ESRRG: variants seen among roughly 807,000 people sequenced by gnomAD.
The protein encoded by ESRRG is estrogen related receptor gamma, also known as estrogen-related receptor gamma.
ESRRG carries 13 observed loss-of-function variants against 44.0 expected under a neutral mutation model. The ratio of observed to expected loss-of-function variants is 0.30; its 90% CI spans 0.19 to 0.47. The LOEUF (loss-of-function observed/expected upper bound fraction) is 0.47. Among genes scored for constraint, ESRRG ranks in the 20% least tolerant of loss-of-function variants. ESRRG has a pLI of 1.00. For synonymous variants in ESRRG, 215 were observed against 214.6 expected (o/e 1.00, Z -0.02); for missense variants, 395 against 580.6 (o/e 0.68, Z 3.29).
intron 3 of ESRRG, among the ~76,000 whole-genome samples, chr1:216,568,945 T>C (rs1166854775): frequency 1.3e-5 from 2 of 151,798 alleles, no homozygotes; most frequent in African/African-American, 4.8e-5. Context: ...TCCCAGCTAC[T>C]CGGGAGTCTG....
At chr1:216,713,050 T>C (rs1042192587) in intron 1 of ESRRG, among the ~76,000 whole-genome samples, 1 of 152,178 alleles carries the variant, frequency 6.6e-6, no homozygotes, top group South Asian at 2.1e-4. Context: ...GGTGGTGCCT[T>C]GCTTAATCGA....
chr1:216,525,012 C>A (rs1186659559), intron 5 of ESRRG, among the ~76,000 whole-genome samples: 1 of 152,080 alleles, frequency 6.6e-6, no homozygotes, highest in Non-Finnish European at 1.5e-5. Flanking sequence ...TACAATTAGC[C>A]CAATCATAGG....
chr1:216,723,510 C>T (rs2086830106), upstream of ESRRG: 3 of 533,266 alleles, frequency 5.6e-6, no homozygotes, highest in Non-Finnish European at 1.0e-5. Flanking sequence ...GCAGTCCCAC[C>T]GGCCCAGCCG....
chr1:216,654,524 G>A (rs900181613), intron 2 of ESRRG, among the ~76,000 whole-genome samples: 3 of 151,716 alleles, frequency 2.0e-5, no homozygotes, highest in Non-Finnish European at 2.9e-5. Context: ...AGCTGCGTGG[G>A]AGGCTGAGGC....
intron 1 of ESRRG, among the ~76,000 whole-genome samples, chr1:217,002,409 C>T (rs2077165566): frequency 6.6e-6 from 1 of 151,104 alleles, no homozygotes; most frequent in Admixed American, 6.6e-5. Context: ...CAGATCCGTC[C>T]CTAAAGTTAT....
chr1:216,579,806 TG>T (rs2062391981), intron 3 of ESRRG, among the ~76,000 whole-genome samples: 1 of 152,178 alleles, frequency 6.6e-6, no homozygotes, highest in Non-Finnish European at 1.5e-5. Context: ...ATGTTGAGAA[TG>T]GAGACTTCAA....
At position 216,881,398 on chromosome 1, in the gene ESRRG, G is replaced by A. The variant is rs574434276; in HGVS notation, c.-14+58184C>T. Among the ~76,000 whole-genome samples the A allele has an allele frequency of 3.9e-5, 6 of 152,212 alleles. No individual in the cohort carries two copies. The South Asian group carries it at 1.2e-3, about 32-fold the overall frequency. On this transcript the variant is annotated intron_variant, in intron 2 of 7. Transcript: ENST00000359162. ...TCATTTTTCAGAGATATTAACAGAT[G>A]TAAGCTACATTTCCTGTGCCCATGA... is the stretch of plus-strand genomic sequence containing the variant.
intron 1 of ESRRG, among the ~76,000 whole-genome samples, chr1:216,958,583 G>A (rs755562048): frequency 1.3e-5 from 2 of 152,076 alleles, no homozygotes; most frequent in Non-Finnish European, 2.9e-5. Context: ...TGAGGTGTTT[G>A]TTCAAGTCTT....
chr1:216,542,898 A>G (rs1240293916), intron 5 of ESRRG, among the ~76,000 whole-genome samples: 2 of 152,056 alleles, frequency 1.3e-5, no homozygotes, highest in Non-Finnish European at 2.9e-5. Context: ...ATCTTTCTCA[A>G]TTAAGTCTAC....
intron 1 of ESRRG, among the ~76,000 whole-genome samples, chr1:216,998,518 C>T (rs1381382528): frequency 6.6e-6 from 1 of 152,094 alleles, no homozygotes; most frequent in Admixed American, 6.5e-5. Flanking sequence ...GACATTACTT[C>T]TTTTTTGCAA....
chr1:217,097,776 A>T (rs1051523364), intron 1 of ESRRG, among the ~76,000 whole-genome samples: 3 of 152,008 alleles, frequency 2.0e-5, no homozygotes, highest in African/African-American at 7.3e-5. Flanking sequence ...TTCCCATAAG[A>T]AAAGAATCAA....
intron 2 of ESRRG, among the ~76,000 whole-genome samples, chr1:216,825,948 G>A (rs1170751525): frequency 3.3e-5 from 5 of 152,228 alleles, no homozygotes; most frequent in South Asian, 4.1e-4. Flanking sequence ...TGAAGTCCAC[G>A]TATTGTCTGA....
chr1:216,800,654 T>C (rs978633372), intron 2 of ESRRG, among the ~76,000 whole-genome samples: 3 of 152,152 alleles, frequency 2.0e-5, no homozygotes, highest in African/African-American at 7.2e-5. Context: ...TCTTTGAGGA[T>C]CTGATGAAAG....
chr1:216,719,059 A>G (rs890806822), intron 1 of ESRRG, among the ~76,000 whole-genome samples: 11 of 152,068 alleles, frequency 7.2e-5, no homozygotes, highest in African/African-American at 2.4e-4. Flanking sequence ...TCACTTTACA[A>G]GTAAGACAGA....
intron 2 of ESRRG, among the ~76,000 whole-genome samples, chr1:216,759,191 C>T (rs1227902792): frequency 6.6e-6 from 1 of 152,056 alleles, no homozygotes; most frequent in African/African-American, 2.4e-5. Flanking sequence ...AGATAATGTG[C>T]CCCAGATTTT....
At chr1:216,873,886 GGGAAGGGAAGGGAAGGGA>G (rs2096298574) in intron 2 of ESRRG, among the ~76,000 whole-genome samples, 11 of 29,128 alleles carry the variant, frequency 3.8e-4, no homozygotes, top group African/African-American at 1.4e-3. Flanking sequence ...AGGGAGGGAA[GGGAAGGGAAGGGAAGGGA>G]AGGGAAGGGA....
At chr1:216,939,970 A>G (rs1156904367) in intron 1 of ESRRG, among the ~76,000 whole-genome samples, 1 of 152,126 alleles carries the variant, frequency 6.6e-6, no homozygotes, top group African/African-American at 2.4e-5. Context: ...TCTCTTATTT[A>G]TAGCAAATGC....
intron 3 of ESRRG, among the ~76,000 whole-genome samples, chr1:216,574,525 C>T (rs1363445444): frequency 6.6e-6 from 1 of 152,052 alleles, no homozygotes; most frequent in African/African-American, 2.4e-5. Flanking sequence ...AAGTCAGAGG[C>T]ATTTCATAGG....
rs115227542 is a variant in ESRRG, at chr1:217,061,339, A to G, written c.-106+28168T>C. Among the ~76,000 whole-genome samples the G allele has an allele frequency of 4.4e-3, 663 of 152,242 alleles. 9 individuals are homozygous for G. Among genetic ancestry groups the G allele is most frequent in the African/African-American group, 0.016 (653 of 41,548 alleles). On this transcript the variant is annotated intron_variant, in intron 1 of 7. Coordinates refer to the ESRRG transcript ENST00000359162. ...TAACAAAATTTAAGCCCCCAAAGAG[A>G]GAGAGAATATGTATCAAAATAGCTA...
Sources: gnomAD v4.1 joint callset for allele counts (sites outside exome capture counted in the v4.1 genomes callset) on GRCh38, gnomAD v4.1.1 for gene constraint, MANE v1.5 for transcripts, NCBI Gene and HGNC (gene_info 2026-07-23, HGNC 2026-07-21) for gene names.